OXR1: variants seen among roughly 807,000 people sequenced by gnomAD.
OXR1 encodes the protein oxidation resistance 1.
In OXR1, 41 loss-of-function variants were observed where a neutral mutation model predicts 104.6. That is an observed-to-expected ratio of 0.39 (90% CI 0.31 to 0.51). OXR1 has a LOEUF of 0.51. Ranked by LOEUF, OXR1 falls within the 20% of genes least tolerant of loss-of-function variation. The pLI is 0.77. For missense variants in OXR1, 955 were observed against 1,031.9 expected (o/e 0.93, Z 1.02); for synonymous variants, 348 against 348.4 (o/e 1.00, Z 0.01).
At chr8:106,385,795 C>A (rs1437571136) in intron 2 of OXR1, among the ~76,000 whole-genome samples, 1 of 152,126 alleles carries the variant, frequency 6.6e-6, no homozygotes, top group Non-Finnish European at 1.5e-5. Context: ...TGTGGGGAGT[C>A]TGTGAGGCAG....
intron 3 of OXR1, among the ~76,000 whole-genome samples, chr8:106,528,061 G>A (rs996504590): frequency 2.0e-5 from 3 of 152,098 alleles, no homozygotes; most frequent in Admixed American, 6.6e-5. Flanking sequence ...TGAAGTGACT[G>A]TCCTTTCCAT....
At chr8:106,562,587 T>C (rs188985032) in intron 3 of OXR1, among the ~76,000 whole-genome samples, 276 of 152,150 alleles carry the variant, frequency 1.8e-3, no homozygotes, top group African/African-American at 6.4e-3. Context: ...CCTAGCAAGA[T>C]AGGCCAATAT....
At chr8:106,714,857 A>G (rs1832076187) in intron 11 of OXR1, among the ~76,000 whole-genome samples, 2 of 152,184 alleles carry the variant, frequency 1.3e-5, no homozygotes, top group East Asian at 1.9e-4. Flanking sequence ...GAAGGTATAC[A>G]TGGCTTGTCT....
chr8:106,657,024 C>T (rs1263762248), intron 3 of OXR1, among the ~76,000 whole-genome samples: 1 of 151,956 alleles, frequency 6.6e-6, no homozygotes, highest in African/African-American at 2.4e-5. Context: ...TATTTAATGC[C>T]TGGGAAAACT....
intron 1 of OXR1, among the ~76,000 whole-genome samples, chr8:106,270,674 G>A (rs1450992507): frequency 6.6e-6 from 1 of 152,302 alleles, no homozygotes; most frequent in African/African-American, 2.4e-5. Context: ...ACCGGGCGGG[G>A]AGGCTGGGTT....
intron 1 of OXR1, among the ~76,000 whole-genome samples, chr8:106,305,808 C>T (rs575715099): frequency 6.6e-6 from 1 of 152,208 alleles, no homozygotes; most frequent in East Asian, 1.9e-4. Context: ...TTCCTTGGTA[C>T]TTCCTTCTGT....
chr8:106,482,725 C>A (rs1468654522), intron 2 of OXR1, among the ~76,000 whole-genome samples: 2 of 152,056 alleles, frequency 1.3e-5, no homozygotes, highest in African/African-American at 4.8e-5. Flanking sequence ...TCTCCTTCAT[C>A]TATCTTATTA....
At chr8:106,499,837 G>A (rs953970612) in intron 2 of OXR1, among the ~76,000 whole-genome samples, 5 of 152,182 alleles carry the variant, frequency 3.3e-5, no homozygotes, top group African/African-American at 1.2e-4. Context: ...GAAAAAAGAC[G>A]TGTTCTCCCC....
At chr8:106,293,066 G>T (rs1033812635) in intron 1 of OXR1, among the ~76,000 whole-genome samples, 2 of 152,146 alleles carry the variant, frequency 1.3e-5, no homozygotes, top group Non-Finnish European at 2.9e-5. Context: ...ATATTTCAAA[G>T]GTAATGTGCA....
At chr8:106,673,024 A>G (rs1023910672) in intron 3 of OXR1, among the ~76,000 whole-genome samples, 1 of 152,186 alleles carries the variant, frequency 6.6e-6, no homozygotes, top group Non-Finnish European at 1.5e-5. Flanking sequence ...GGAACTACAA[A>G]GTGGGGTACT....
At chr8:106,674,951 A>C (rs1333213921) in intron 3 of OXR1, among the ~76,000 whole-genome samples, 1 of 152,208 alleles carries the variant, frequency 6.6e-6, no homozygotes, top group African/African-American at 2.4e-5. Flanking sequence ...AGTCTTGAGC[A>C]GTTCTTTATA....
intron 3 of OXR1, among the ~76,000 whole-genome samples, chr8:106,660,410 G>A (rs1452628466): frequency 6.6e-6 from 1 of 152,166 alleles, no homozygotes; most frequent in Non-Finnish European, 1.5e-5. Flanking sequence ...CTTAATAGCT[G>A]CTTAAGTTTC....
intron 1 of OXR1, among the ~76,000 whole-genome samples, chr8:106,290,879 G>A (rs560573646): frequency 1.3e-5 from 2 of 152,280 alleles, no homozygotes; most frequent in South Asian, 4.1e-4. Context: ...GTGGGAAGCA[G>A]TTTGGAGATT....
intron 3 of OXR1, among the ~76,000 whole-genome samples, chr8:106,647,756 C>T (rs979093595): frequency 2.6e-5 from 4 of 152,184 alleles, no homozygotes; most frequent in African/African-American, 7.2e-5. Context: ...AGCCTCCCAA[C>T]GTGCTTAGAT....
intron 2 of OXR1, among the ~76,000 whole-genome samples, chr8:106,516,690 T>C (rs1198987063): frequency 2.6e-5 from 4 of 152,198 alleles, no homozygotes; most frequent in African/African-American, 2.4e-5. Flanking sequence ...ATAATCTTCA[T>C]TGTAAATGAA....
intron 1 of OXR1, among the ~76,000 whole-genome samples, chr8:106,316,576 CATTTT>C (rs1813947367): frequency 6.6e-6 from 1 of 152,134 alleles, no homozygotes; most frequent in Non-Finnish European, 1.5e-5. Flanking sequence ...CTTGTTTCCT[CATTTT>C]ATTTCGGTCC....
chr8:106,630,794 TAG>T (rs1822617110), intron 3 of OXR1, among the ~76,000 whole-genome samples: 1 of 152,212 alleles, frequency 6.6e-6, no homozygotes. Flanking sequence ...TTTTAATGTA[TAG>T]AGTTATCAAA....
chr8:106,533,283 G>T (rs895357089), intron 3 of OXR1, among the ~76,000 whole-genome samples: 3 of 152,164 alleles, frequency 2.0e-5, no homozygotes, highest in African/African-American at 7.2e-5. Context: ...CAATAAATTT[G>T]TTAATTCTTA....
intron 1 of OXR1, among the ~76,000 whole-genome samples, chr8:106,326,758 TTTGA>T (rs769792623): frequency 6.6e-6 from 1 of 151,964 alleles, no homozygotes; most frequent in Non-Finnish European, 1.5e-5. Flanking sequence ...AGGAGGCCAG[TTTGA>T]TTGGTGCACA....
Sources: gnomAD v4.1 joint callset for allele counts (sites outside exome capture counted in the v4.1 genomes callset) on GRCh38, gnomAD v4.1.1 for gene constraint, MANE v1.5 for transcripts, NCBI Gene and HGNC (gene_info 2026-07-23, HGNC 2026-07-21) for gene names.